ANK3: variants seen among roughly 807,000 people sequenced by gnomAD.
ANK3 encodes the protein ankyrin-3.
In ANK3, 57 loss-of-function variants were observed where a neutral mutation model predicts 370.9. The observed-to-expected ratio is 0.15, with a 90% CI of 0.12 to 0.19. The LOEUF (loss-of-function observed/expected upper bound fraction) is 0.19, where lower values mean the gene tolerates loss of function less well. Among genes scored for constraint, ANK3 ranks in the 10% least tolerant of loss-of-function variants. The pLI is 1.00. For missense variants in ANK3, 4,439 were observed against 5,302.1 expected, an observed-to-expected ratio of 0.84 and a Z score of 5.06; for synonymous variants, 1,929 against 1,946.3, an observed-to-expected ratio of 0.99 and a Z score of 0.23.
chr10:60,684,104 A>C (rs1466889861), intron 1 of ANK3, among the ~76,000 whole-genome samples: 1 of 152,232 alleles, frequency 6.6e-6, no homozygotes, highest in Non-Finnish European at 1.5e-5. Context: ...GTGGGTGATC[A>C]TGGATGAAGC....
intron 7 of ANK3, among the ~76,000 whole-genome samples, chr10:60,250,979 A>G (rs537417386): frequency 1.3e-5 from 2 of 152,210 alleles, no homozygotes; most frequent in African/African-American, 4.8e-5. Context: ...AATATTATGA[A>G]CTACACAGTT....
intron 7 of ANK3, among the ~76,000 whole-genome samples, chr10:60,258,068 C>G (rs2097761790): frequency 6.6e-6 from 1 of 152,208 alleles, no homozygotes; most frequent in African/African-American, 2.4e-5. Flanking sequence ...TACAATTTGG[C>G]CTTTTGTTAC....
intron 7 of ANK3, among the ~76,000 whole-genome samples, chr10:60,252,639 C>A (rs1378378132): frequency 6.6e-6 from 1 of 152,144 alleles, no homozygotes; most frequent in Non-Finnish European, 1.5e-5. Flanking sequence ...TCCATGATTT[C>A]TTTTATTGGC....
At chr10:60,574,607 T>G (rs948220959) in intron 2 of ANK3, among the ~76,000 whole-genome samples, 5 of 152,196 alleles carry the variant, frequency 3.3e-5, no homozygotes, top group African/African-American at 1.2e-4. Flanking sequence ...TTGCTCATCT[T>G]CAAAACACAG....
At chr10:60,661,507 C>A (rs941361896) in intron 1 of ANK3, among the ~76,000 whole-genome samples, 1 of 152,114 alleles carries the variant, frequency 6.6e-6, no homozygotes, top group African/African-American at 2.4e-5. Context: ...TTAGCCTATA[C>A]AAACTTCATT....
chr10:60,409,689 A>T (rs1435396039), intron 2 of ANK3, among the ~76,000 whole-genome samples: 1 of 151,962 alleles, frequency 6.6e-6, no homozygotes, highest in Non-Finnish European at 1.5e-5. Flanking sequence ...TGCCTAGGAC[A>T]CCTCATCCAT....
chr10:60,043,132 T>C (rs2131868329), intron 42 of ANK3: 1 of 1,001,362 alleles, frequency 1.0e-6, no homozygotes, highest in Middle Eastern at 5.0e-4. Flanking sequence ...CTTAGTTAAG[T>C]ACTAATCCAT....
In ANK3 at chr10:60,315,330, C is replaced by T. The variant is rs1275692350; in HGVS notation, c.115-35691G>A. ...CTTCTTGAAAGTATTTTTATATTAC[C>T]GTGTTTTAAAGTCTATGTAACTTTC... On this transcript the variant is annotated intron_variant, in intron 1 of 43. Transcript: ENST00000280772. Among the ~76,000 whole-genome samples the T allele has an allele frequency of 4.6e-5, 7 of 151,836 alleles. No homozygotes were observed. The South Asian group carries it at 6.2e-4, about 14-fold the overall frequency.
Position 60,348,365 on chromosome 10 carries a change from A to ACACAC in ANK3, c.114+41059_114+41060insGTGTG, listed in dbSNP as rs539733847. Among the ~76,000 whole-genome samples, 111 of 92,986 alleles carry ACACAC rather than the reference A, an allele frequency of 1.2e-3. 1 individual carries two copies. The highest frequency in any genetic ancestry group is 8.3e-3 in the Middle Eastern group (1 of 120). 61.0% of individuals were successfully genotyped at this position (92,986 alleles called of 152,430 possible). On this transcript the variant is annotated intron_variant, in intron 1 of 43. Coordinates refer to ENST00000280772, the MANE Select transcript of ANK3 (RefSeq NM_020987.5). ...CACTAGCCAAAAAAAAAAAAAAAAA[A>ACACAC]AAAAACACAAAAAACAAAAAAAACG...
chr10:60,708,015 A>T (rs151085935), intron 1 of ANK3, among the ~76,000 whole-genome samples: 6 of 152,326 alleles, frequency 3.9e-5, no homozygotes, highest in Admixed American at 6.5e-5. Flanking sequence ...AGGAGAGGCC[A>T]GGCTCCTCCC....
intron 1 of ANK3, among the ~76,000 whole-genome samples, chr10:60,651,986 G>A (rs1374760247): frequency 6.6e-6 from 1 of 152,104 alleles, no homozygotes; most frequent in Non-Finnish European, 1.5e-5. Context: ...TAAACTTACT[G>A]ATAGTTGTTT....
intron 26 of ANK3, among the ~76,000 whole-genome samples, chr10:60,110,872 C>A (rs977356149): frequency 4.6e-5 from 7 of 152,172 alleles, no homozygotes; most frequent in African/African-American, 7.2e-5. Flanking sequence ...CACATACACA[C>A]ATACACACAC....
At chr10:60,427,664 T>C (rs1416124621) in intron 2 of ANK3, among the ~76,000 whole-genome samples, 4 of 152,096 alleles carry the variant, frequency 2.6e-5, no homozygotes, top group Admixed American at 6.6e-5. Context: ...CCACGGACAT[T>C]TTGTGATTTA....
chr10:60,483,908 A>T (rs1040218060), intron 2 of ANK3, among the ~76,000 whole-genome samples: 2 of 152,228 alleles, frequency 1.3e-5, no homozygotes, highest in South Asian at 4.1e-4. Flanking sequence ...ATGTCGAGGT[A>T]CTGTCCACAA....
intron 8 of ANK3, among the ~76,000 whole-genome samples, chr10:60,224,373 G>C (rs2132496133): frequency 6.6e-6 from 1 of 152,210 alleles, no homozygotes; most frequent in East Asian, 1.9e-4. Context: ...TTAGTGAGGA[G>C]GGGAACTGCA....
At chr10:60,601,660 A>G (rs1329878948) in intron 2 of ANK3, among the ~76,000 whole-genome samples, 1 of 152,156 alleles carries the variant, frequency 6.6e-6, no homozygotes, top group African/African-American at 2.4e-5. Flanking sequence ...AAAAAATAAA[A>G]AAGGACATTA....
intron 2 of ANK3, among the ~76,000 whole-genome samples, chr10:60,556,804 G>C (rs2077217074): frequency 1.3e-5 from 2 of 152,296 alleles, no homozygotes; most frequent in Non-Finnish European, 2.9e-5. Context: ...CCATGGACTG[G>C]CACTGGTCTG....
intron 2 of ANK3, among the ~76,000 whole-genome samples, chr10:60,600,807 T>C (rs1399430710): frequency 6.6e-6 from 1 of 152,174 alleles, no homozygotes; most frequent in Non-Finnish European, 1.5e-5. Context: ...GATTATTTAG[T>C]TACCTGGATC....
rs370950407 is a variant in ANK3 at position 60,166,584 on chromosome 10, CA to C, written c.2614+6del. ...TAAGTTTCATCACAATAAAAATTTA[CA>C]AATACCTTCTTCAACATCTGAGATA... On this transcript the variant is annotated splice_donor_region_variant and intron_variant, in intron 23 of 43. Transcript: ENST00000280772. 1,156 of 1,611,882 alleles carry C rather than the reference CA, an allele frequency of 7.2e-4. 13 individuals carry two copies. In the African/African-American group the frequency reaches 0.014, roughly 20 times the overall value.
Sources: gnomAD v4.1 joint callset for allele counts (sites outside exome capture counted in the v4.1 genomes callset) on GRCh38, gnomAD v4.1.1 for gene constraint, MANE v1.5 for transcripts, NCBI Gene and HGNC (gene_info 2026-07-23, HGNC 2026-07-21) for gene names.